Variants in LYPLAL1 observed in about 807,000 individuals in gnomAD.
The protein encoded by LYPLAL1 is lysophospholipase-like protein 1.
LYPLAL1 carries 23 observed loss-of-function variants against 19.7 expected under a neutral mutation model. The observed-to-expected ratio is 1.17, with a 90% CI of 0.84 to 1.65. The LOEUF is 1.65. Among genes scored for constraint, LYPLAL1 ranks in the 40% most tolerant of loss-of-function variants. The pLI is 0.00. For missense variants in LYPLAL1, 355 were observed against 279.4 expected (o/e 1.27, Z -1.93); for synonymous variants, 119 against 96.3 (o/e 1.24, Z -1.38).
chr1:219,264,352 A>AT, the LYPLAL1 span, among the ~76,000 whole-genome samples: 17 of 151,734 alleles, frequency 1.1e-4, no homozygotes, highest in African/African-American at 2.2e-4. Flanking sequence ...TCAGTTGAAA[A>AT]TTTTTTTTTC....
chr1:219,390,586 G>T, the LYPLAL1 span, among the ~76,000 whole-genome samples: 3 of 152,108 alleles, frequency 2.0e-5, no homozygotes, highest in Admixed American at 6.5e-5. Flanking sequence ...ACAAGCTATT[G>T]TTTGTCCTTT....
intron 1 of LYPLAL1, 158 bp downstream of exon 1, chr1:219,174,139 C>G: frequency 1.4e-6 from 2 of 1,448,348 alleles, no homozygotes; most frequent in South Asian, 2.8e-5. Flanking sequence ...ACGGGCAGCG[C>G]CACCTGCCCC....
At chr1:219,208,752 G>T (rs1658771012) in intron 3 of LYPLAL1, among the ~76,000 whole-genome samples, 1 of 152,000 alleles carries the variant, frequency 6.6e-6, no homozygotes, top group South Asian at 2.1e-4. Context: ...ATTTCAAAAT[G>T]TCTTCGCTTT....
chr1:219,435,289 C>T, the LYPLAL1 span: 2 of 152,188 alleles, frequency 1.3e-5, no homozygotes, highest in Non-Finnish European at 2.9e-5. Context: ...AGTCATGCCA[C>T]TAAGGACCCA....
the LYPLAL1 span, among the ~76,000 whole-genome samples, chr1:219,425,969 G>A: frequency 2.0e-5 from 3 of 152,128 alleles, no homozygotes; most frequent in East Asian, 3.8e-4. Flanking sequence ...TTTTCTCCTC[G>A]CTGTTGTTCT....
chr1:219,193,040 T>A, intron 2 of LYPLAL1, 42 bp from the exon 3 acceptor site: 1 of 1,464,844 alleles, frequency 6.8e-7, no homozygotes, highest in Non-Finnish European at 9.1e-7. Flanking sequence ...TCATATTCCC[T>A]TTTCCTTTCT....
chr1:219,206,406 A>G (rs1418673356), intron 3 of LYPLAL1, among the ~76,000 whole-genome samples: 1 of 152,082 alleles, frequency 6.6e-6, no homozygotes, highest in Non-Finnish European at 1.5e-5. Context: ...TAGGTGGAAA[A>G]TTGAATTCAA....
the LYPLAL1 span, chr1:219,273,324 C>A: frequency 1.3e-5 from 2 of 152,202 alleles, no homozygotes; most frequent in East Asian, 3.9e-4. Flanking sequence ...TGATGTCATG[C>A]AGAATTGCTA....
intron 2 of LYPLAL1, among the ~76,000 whole-genome samples, chr1:219,189,869 T>G (rs1657006715): frequency 6.6e-6 from 1 of 151,660 alleles, no homozygotes; most frequent in African/African-American, 2.4e-5. Context: ...TTTGATAAAT[T>G]TATTGGATAA....
the LYPLAL1 span, among the ~76,000 whole-genome samples, chr1:219,422,545 A>C: frequency 6.6e-6 from 1 of 152,184 alleles, no homozygotes; most frequent in Non-Finnish European, 1.5e-5. Context: ...AAATACCCTG[A>C]TGATAAGATA....
intron 3 of LYPLAL1, chr1:219,210,314 T>G (rs180779448): frequency 6.5e-6 from 2 of 307,636 alleles, no homozygotes; most frequent in Admixed American, 9.4e-5. Flanking sequence ...CCTGGCTCCT[T>G]GTAGAGCACA....
chr1:219,314,125 A>G, the LYPLAL1 span, among the ~76,000 whole-genome samples: 1 of 152,226 alleles, frequency 6.6e-6, no homozygotes, highest in South Asian at 2.1e-4. Flanking sequence ...AACAGCCTCC[A>G]GCTCCAACCA....
the LYPLAL1 span, among the ~76,000 whole-genome samples, chr1:219,256,474 TTCTC>T: frequency 5.9e-5 from 9 of 151,422 alleles, no homozygotes; most frequent in Non-Finnish European, 1.0e-4. Flanking sequence ...CTTTCTTCCT[TTCTC>T]TCTCTCTCTT....
the LYPLAL1 span, among the ~76,000 whole-genome samples, chr1:219,256,541 A>C: frequency 0.47 from 70,402 of 151,224 alleles, 16,740 homozygotes; most frequent in East Asian, 0.66. Context: ...TGAAAGAACA[A>C]ACTTTTGGCT....
the LYPLAL1 span, among the ~76,000 whole-genome samples, chr1:219,408,053 G>A: frequency 1.9e-3 from 289 of 152,208 alleles, 1 homozygote; most frequent in African/African-American, 6.7e-3. Context: ...TGGATTGGAG[G>A]GGAACACAAA....
chr1:219,401,154 A>T, the LYPLAL1 span, among the ~76,000 whole-genome samples: 1 of 151,858 alleles, frequency 6.6e-6, no homozygotes, highest in East Asian at 1.9e-4. Flanking sequence ...ATTTTCAATA[A>T]TTTTTTCACA....
chr1:219,212,634 A>G lies in LYPLAL1; in HGVS notation c.*906A>G, dbSNP rs902202922. The G allele has an allele frequency of 5.3e-5, 8 of 152,034 alleles. No individual in the cohort carries two copies. The highest frequency in any genetic ancestry group is 1.3e-4 in the Admixed American group (2 of 15,234). 9.4% of individuals were successfully genotyped at this position (152,034 alleles called of 1,614,324 possible). On this transcript the variant is annotated 3_prime_UTR_variant, in exon 5 of 5. Coordinates refer to ENST00000366928, the MANE Select transcript of LYPLAL1 (RefSeq NM_138794.5). ...ACTGTTTAAGTTTTATTAAATATAC[A>G]TTATCCCTATTTGTATAAATAGAAT...
At chr1:219,312,121 G>A in the LYPLAL1 span, among the ~76,000 whole-genome samples, 23 of 152,238 alleles carry the variant, frequency 1.5e-4, no homozygotes, top group African/African-American at 5.3e-4. Context: ...GGACAGTTTG[G>A]GAAAGGTGCT....
chr1:219,258,815 T>A, the LYPLAL1 span, among the ~76,000 whole-genome samples: 1 of 151,934 alleles, frequency 6.6e-6, no homozygotes, highest in Admixed American at 6.6e-5. Context: ...AAAGGAATAG[T>A]CAGCAAAGTA....
Sources: allele counts gnomAD v4.1 joint callset (sites outside exome capture counted in the v4.1 genomes callset), GRCh38; gene constraint gnomAD v4.1.1; transcripts MANE v1.5; gene names NCBI Gene and HGNC (gene_info 2026-07-23, HGNC 2026-07-21).